Variants in TLE4 observed in about 807,000 individuals in gnomAD.
TLE4 encodes the protein transducin-like enhancer protein 4.
Under a neutral mutation model 92.8 loss-of-function variants are expected in TLE4, and 8 were observed. The observed-to-expected ratio is 0.09, with a 90% confidence interval of 0.05 to 0.16. The LOEUF is 0.16. Among genes scored for constraint, TLE4 ranks in the 10% least tolerant of loss-of-function variants. The pLI is 1.00. For synonymous variants in TLE4, 371 were observed against 374.1 expected, an observed-to-expected ratio of 0.99 and a Z score of 0.10; for missense variants, 675 against 997.6, an observed-to-expected ratio of 0.68 and a Z score of 4.36.
At chr9:79,654,189 G>C (rs1587862552) in intron 8 of TLE4, 114 bp downstream of exon 8, 1 of 1,037,136 alleles carries the variant, frequency 9.6e-7, no homozygotes, top group East Asian at 2.6e-5. Flanking sequence ...GGTTAGTAGT[G>C]GTTAACTGCA....
chr9:79,721,654 T>C (rs574266565), intron 16 of TLE4, 87 bp from the exon 17 acceptor site: 3 of 1,572,496 alleles, frequency 1.9e-6, no homozygotes, highest in Middle Eastern at 1.7e-4. Context: ...AAGGCCTGCA[T>C]TGAAATTGAA....
intron 6 of TLE4, among the ~76,000 whole-genome samples, chr9:79,637,273 G>T: frequency 6.6e-6 from 1 of 152,138 alleles, no homozygotes; most frequent in Middle Eastern, 3.2e-3. Flanking sequence ...GCATTACTTT[G>T]TTTAATCTTC....
chr9:79,639,974 A>G (rs539612081), intron 6 of TLE4, among the ~76,000 whole-genome samples: 1 of 152,178 alleles, frequency 6.6e-6, no homozygotes, highest in Non-Finnish European at 1.5e-5. Context: ...CTGGGGAACT[A>G]CTTAAGTGAA....
chr9:79,702,369 C>T (rs890256032), intron 8 of TLE4, among the ~76,000 whole-genome samples: 2 of 152,066 alleles, frequency 1.3e-5, no homozygotes, highest in Non-Finnish European at 2.9e-5. Flanking sequence ...AAACTAGAAA[C>T]GGGATTGAGG....
At chr9:79,654,107 G>A in intron 8 of TLE4, 32 bp downstream of exon 8, 2 of 1,596,282 alleles carry the variant, frequency 1.3e-6, no homozygotes, top group South Asian at 1.1e-5. Flanking sequence ...CTAAGGAATG[G>A]CTTAAAAGGG....
chr9:79,719,619 AC>A (rs1176867884), intron 15 of TLE4, among the ~76,000 whole-genome samples: 8 of 152,084 alleles, frequency 5.3e-5, no homozygotes, highest in Non-Finnish European at 1.2e-4. Context: ...CCAGGGATCT[AC>A]CCCCTGAAAC....
At chr9:79,620,185 T>G (rs776545364) in intron 5 of TLE4, among the ~76,000 whole-genome samples, 1 of 152,246 alleles carries the variant, frequency 6.6e-6, no homozygotes, top group Non-Finnish European at 1.5e-5. Context: ...GTGATTAGAT[T>G]ATTATTAGTG....
At chr9:79,584,600 C>G (rs536988194) in intron 4 of TLE4, among the ~76,000 whole-genome samples, 2 of 152,230 alleles carry the variant, frequency 1.3e-5, no homozygotes, top group East Asian at 3.9e-4. Flanking sequence ...ATAGTAGATG[C>G]TGGTGCGCAA....
At position 79,572,722 on chromosome 9, in the gene TLE4, C is replaced by G; in HGVS notation, c.-69C>G. On this transcript the variant is annotated 5_prime_UTR_variant, in exon 1 of 20. Coordinates refer to ENST00000376552, the MANE Select transcript of TLE4 (RefSeq NM_007005.6). ...GCCGCCTCCGCTGCCGCGGCCGCCT[C>G]CTCTTCGGGGTCATTAAAGCCAATG... 6.5e-7 allele frequency: 1 copy of G among 1,537,046 alleles called. No individual in the cohort carries two copies. Among genetic ancestry groups the G allele is most frequent in the Non-Finnish European group, 8.8e-7 (1 of 1,131,652 alleles).
chr9:79,661,369 G>A (rs1293938727), intron 8 of TLE4, among the ~76,000 whole-genome samples: 1 of 152,112 alleles, frequency 6.6e-6, no homozygotes, highest in Non-Finnish European at 1.5e-5. Context: ...ATTTTGTTCT[G>A]TGGTGATTTG....
Position 79,572,669 on chromosome 9 carries a change from C to A in TLE4, c.-122C>A, listed in dbSNP as rs1051637730. On this transcript the variant is annotated 5_prime_UTR_variant, in exon 1 of 20. Transcript: ENST00000376552. ...CGCGAGACCCGGCGGGGGCCGGGAC[C>A]GCCCGAGCCGCCCCTCAGACCGAGC... The A allele has an allele frequency of 2.2e-6, 2 of 900,832 alleles. No homozygotes were observed. The highest frequency in any genetic ancestry group is 3.2e-5 in the Admixed American group (1 of 31,022). 55.8% of individuals were successfully genotyped at this position (900,832 alleles called of 1,614,324 possible).
chr9:79,626,301 G>A (rs1245416052), intron 5 of TLE4, among the ~76,000 whole-genome samples: 1 of 152,158 alleles, frequency 6.6e-6, no homozygotes, highest in East Asian at 1.9e-4. Context: ...AAGCAGTGTG[G>A]TAGTTGAGCT....
At chr9:79,655,298 T>TA (rs767305037) in intron 8 of TLE4, among the ~76,000 whole-genome samples, 4 of 152,360 alleles carry the variant, frequency 2.6e-5, no homozygotes, top group Admixed American at 6.5e-5. Flanking sequence ...CTTTATATCT[T>TA]ACAACAGTTG....
At chr9:79,617,668 A>G (rs1420123972) in intron 5 of TLE4, among the ~76,000 whole-genome samples, 1 of 152,104 alleles carries the variant, frequency 6.6e-6, no homozygotes, top group East Asian at 1.9e-4. Flanking sequence ...CTTTCTTTAA[A>G]ATGTGGAGCA....
At chr9:79,577,307 G>T (rs947317424) in intron 4 of TLE4, among the ~76,000 whole-genome samples, 7 of 152,102 alleles carry the variant, frequency 4.6e-5, no homozygotes, top group African/African-American at 1.4e-4. Flanking sequence ...AGAGATGGCT[G>T]TTAGACAATA....
In TLE4 at chr9:79,648,720, C is replaced by T. The variant is rs560749912; in HGVS notation, c.391-3873C>T. Among the ~76,000 whole-genome samples the T allele has an allele frequency of 3.9e-5, 6 of 152,234 alleles. No individual in the cohort carries two copies. In the South Asian group the frequency reaches 1.0e-3, roughly 26 times the overall value. On this transcript the variant is annotated intron_variant, in intron 6 of 19. Coordinates refer to ENST00000376552, the MANE Select transcript of TLE4 (RefSeq NM_007005.6). The stretch of plus-strand genomic sequence containing the variant: ...AGAATCTTCAGGACTTGGCAATTAT[C>T]AATATAGGATAGCACAGAAGGATAA...
At chr9:79,651,448 A>T (rs1198743828) in intron 6 of TLE4, among the ~76,000 whole-genome samples, 1 of 152,020 alleles carries the variant, frequency 6.6e-6, no homozygotes, top group Non-Finnish European at 1.5e-5. Context: ...GGCTTTCTCT[A>T]TGTGTTGCCA....
intron 8 of TLE4, chr9:79,671,166 A>T (rs1054785264): frequency 2.3e-6 from 1 of 435,694 alleles, no homozygotes; most frequent in African/African-American, 2.0e-5. Flanking sequence ...GTTTAGGGAT[A>T]GTTCAACCTT....
chr9:79,690,437 A>C (rs916514739), intron 8 of TLE4, among the ~76,000 whole-genome samples: 3 of 152,146 alleles, frequency 2.0e-5, no homozygotes, highest in Non-Finnish European at 4.4e-5. Context: ...TGTCTTAAGT[A>C]CTGGGTACCA....
Sources: allele counts gnomAD v4.1 joint callset (sites outside exome capture counted in the v4.1 genomes callset), GRCh38; gene constraint gnomAD v4.1.1; transcripts MANE v1.5; gene names NCBI Gene and HGNC (gene_info 2026-07-23, HGNC 2026-07-21).